Variants in TNS3 observed in about 807,000 individuals in gnomAD.
The protein encoded by TNS3 is tensin 3.
In TNS3, 45 loss-of-function variants were observed where a neutral mutation model predicts 140.9. The ratio of observed to expected loss-of-function variants is 0.32; its 90% CI spans 0.25 to 0.41. TNS3 has a LOEUF of 0.41. Among genes scored for constraint, TNS3 ranks in the 10% least tolerant of loss-of-function variants. The pLI is 1.00. For synonymous variants in TNS3, 815 were observed against 788.4 expected, an observed-to-expected ratio of 1.03 and a Z score of -0.56; for missense variants, 1,716 against 1,906.7, an observed-to-expected ratio of 0.90 and a Z score of 1.86.
chr7:47,494,835 C>G (rs1797942835), intron 3 of TNS3, among the ~76,000 whole-genome samples: 1 of 152,050 alleles, frequency 6.6e-6, no homozygotes. Context: ...CTAAAATTAA[C>G]TGCTTTACAA....
At chr7:47,472,496 G>A (rs1437803211) in intron 4 of TNS3, among the ~76,000 whole-genome samples, 1 of 152,150 alleles carries the variant, frequency 6.6e-6, no homozygotes, top group African/African-American at 2.4e-5. Context: ...ACGTGCACAG[G>A]GATATAGGGA....
At position 47,449,242 on chromosome 7, in the gene TNS3, C is replaced by T. The variant is rs139447203; in HGVS notation, c.-75-7187G>A. On this transcript the variant is annotated intron_variant, in intron 4 of 30. Transcript: ENST00000311160. ...CAGCTGCAGCAAACCAAGCCTATGTCGTGCAATTAATGCTAGTGCGGCATT... is the reference window on the plus strand; with the variant it reads ...CAGCTGCAGCAAACCAAGCCTATGTTGTGCAATTAATGCTAGTGCGGCATT... 3.7e-4 allele frequency among the ~76,000 whole-genome samples: 56 copies of T among 152,346 alleles called. No individual in the cohort carries two copies. The East Asian group carries it at 7.9e-3, about 22-fold the overall frequency.
intron 28 of TNS3, among the ~76,000 whole-genome samples, chr7:47,280,796 C>A (rs1785104717): frequency 6.6e-6 from 1 of 152,092 alleles, no homozygotes; most frequent in Admixed American, 6.5e-5. Flanking sequence ...GCCTGTAATT[C>A]CAGCTACTTG....
chr7:47,281,095 C>A (rs1785122599), intron 28 of TNS3, among the ~76,000 whole-genome samples: 1 of 152,202 alleles, frequency 6.6e-6, no homozygotes, highest in African/African-American at 2.4e-5. Context: ...CAGCCCACCC[C>A]TTCCACAGGA....
At chr7:47,358,353 A>C (rs1790119648) in intron 17 of TNS3, among the ~76,000 whole-genome samples, 1 of 152,076 alleles carries the variant, frequency 6.6e-6, no homozygotes. Context: ...TGGCCAGGCT[A>C]GTCTTGAACT....
At chr7:47,419,602 G>C (rs76047096) in intron 10 of TNS3, among the ~76,000 whole-genome samples, 1 of 152,170 alleles carries the variant, frequency 6.6e-6, no homozygotes, top group Non-Finnish European at 1.5e-5. Context: ...GGATGAAAGC[G>C]GCTTGAATTC....
intron 3 of TNS3, among the ~76,000 whole-genome samples, chr7:47,485,140 C>T (rs1236695979): frequency 2.0e-5 from 3 of 152,160 alleles, no homozygotes; most frequent in East Asian, 1.9e-4. Flanking sequence ...GATGGGCACC[C>T]GCTGGCCTTG....
chr7:47,498,339 G>A (rs1483168134), intron 3 of TNS3, among the ~76,000 whole-genome samples: 2 of 152,224 alleles, frequency 1.3e-5, no homozygotes, highest in Non-Finnish European at 2.9e-5. Context: ...GGCCTGGCCT[G>A]AGCCACGTGC....
intron 20 of TNS3, among the ~76,000 whole-genome samples, chr7:47,329,212 A>G (rs963564932): frequency 6.6e-6 from 1 of 152,172 alleles, no homozygotes; most frequent in Admixed American, 6.5e-5. Context: ...AAGGGGAAGC[A>G]CAGAACAGAC....
intron 20 of TNS3, among the ~76,000 whole-genome samples, chr7:47,322,773 C>T (rs997396149): frequency 2.6e-5 from 4 of 152,146 alleles, no homozygotes; most frequent in African/African-American, 9.7e-5. Context: ...CGCAGAATCA[C>T]AGAAGCCCTA....
intron 1 of TNS3, chr7:47,579,173 A>T (rs1459507240): frequency 1.3e-5 from 2 of 152,148 alleles, no homozygotes; most frequent in African/African-American, 4.8e-5. Flanking sequence ...ACTAACCAGC[A>T]TCCCTCATTC....
intron 1 of TNS3, among the ~76,000 whole-genome samples, chr7:47,556,322 G>A (rs2151990975): frequency 6.6e-6 from 1 of 152,234 alleles, no homozygotes; most frequent in Admixed American, 6.5e-5. Context: ...CTCTAAGGAG[G>A]TTCCCAGATA....
At chr7:47,292,805 G>A in intron 26 of TNS3, 23 bp downstream of exon 26, 1 of 1,610,278 alleles carries the variant, frequency 6.2e-7, no homozygotes. Flanking sequence ...CACAGAGCCT[G>A]ACTAGCACTG....
chr7:47,379,171 A>T (rs1791597569), intron 16 of TNS3, among the ~76,000 whole-genome samples: 1 of 152,162 alleles, frequency 6.6e-6, no homozygotes, highest in South Asian at 2.1e-4. Flanking sequence ...GCAGTGTCCC[A>T]AGGGTACCTG....
At chr7:47,447,815 T>C (rs1435776926) in intron 4 of TNS3, among the ~76,000 whole-genome samples, 1 of 152,172 alleles carries the variant, frequency 6.6e-6, no homozygotes, top group Non-Finnish European at 1.5e-5. Flanking sequence ...CGGACAACTC[T>C]AGAACATGTG....
Position 47,574,955 on chromosome 7 carries a change from G to A in TNS3, c.-265+7096C>T, listed in dbSNP as rs184539190. ...TGGAGGGTGGTGATGGCTGCACAAC[G>A]TGAAGGTTCTTAATGTCGCCTAACT... On this transcript the variant is annotated intron_variant, in intron 1 of 30. Coordinates refer to ENST00000311160, the MANE Select transcript of TNS3 (RefSeq NM_022748.12). Among the ~76,000 whole-genome samples the A allele has an allele frequency of 9.9e-5, 15 of 152,186 alleles. No homozygotes were observed. The East Asian group carries it at 2.5e-3, about 25-fold the overall frequency.
chr7:47,566,314 A>C (rs755703446), intron 1 of TNS3, among the ~76,000 whole-genome samples: 7 of 152,236 alleles, frequency 4.6e-5, no homozygotes, highest in Non-Finnish European at 8.8e-5. Context: ...TGGCAGCCAC[A>C]TTCACGTTTC....
rs1001801644 is a variant in TNS3 at position 47,407,223 on chromosome 7, A to G, written c.723+4504T>C. On this transcript the variant is annotated intron_variant, in intron 13 of 30. Transcript: ENST00000311160. The surrounding 1 kb of genome is among the most constrained non-coding windows in gnomAD (Gnocchi z 4.1). ...GCTGGCAGTGACACCCTGGGTTTCT[A>G]CTCTCCAGGTCGACCACAGATGTGA... Among the ~76,000 whole-genome samples the G allele has an allele frequency of 1.3e-5, 2 of 151,720 alleles. No individual in the cohort carries two copies. The highest frequency in any genetic ancestry group is 4.8e-5 in the African/African-American group (2 of 41,260).
At chr7:47,424,207 G>C (rs746395389) in intron 9 of TNS3, 23 bp from the exon 10 acceptor site, 2 of 1,613,024 alleles carry the variant, frequency 1.2e-6, no homozygotes, top group African/African-American at 1.3e-5. Flanking sequence ...GAGAGAGAAA[G>C]AGAGTTAACT....
Sources: gnomAD v4.1 joint callset for allele counts (sites outside exome capture counted in the v4.1 genomes callset) on GRCh38, gnomAD v4.1.1 for gene constraint, Gnocchi (gnomAD v3.1) non-coding constraint, MANE v1.5 for transcripts, NCBI Gene and HGNC (gene_info 2026-07-23, HGNC 2026-07-21) for gene names.